Variants in TGM7 observed in about 807,000 individuals in gnomAD.
The protein encoded by TGM7 is transglutaminase 7.
TGM7 carries 74 observed loss-of-function variants against 79.5 expected under a neutral mutation model. That is an observed-to-expected ratio of 0.93 (90% CI 0.77 to 1.13). The LOEUF is 1.13. TGM7 is among the 50% of genes most tolerant of loss of function. TGM7 has a pLI of 0.00. For synonymous variants in TGM7, 354 were observed against 362.5 expected (o/e 0.98, Z 0.27); for missense variants, 912 against 905.9 (o/e 1.01, Z -0.09).
At position 43,282,061 on chromosome 15, in the gene TGM7, AGAGGC is replaced by A. The variant is rs767875545; in HGVS notation, c.1129_1133del (p.Ala377CysfsTer14). The A allele has an allele frequency of 1.9e-6, 3 of 1,614,032 alleles. No homozygotes were observed. The highest frequency in any genetic ancestry group is 2.5e-6 in the Non-Finnish European group (3 of 1,180,008). ...CATCCCCTTCCCTGATGGCCTTCACAGAGGCAGGGCCACAGCAGAACAGCCCTGTG... is the reference window on the plus strand; with the variant it reads ...CATCCCCTTCCCTGATGGCCTTCACAAGGGCCACAGCAGAACAGCCCTGTG... On this transcript the variant is annotated frameshift_variant, in exon 9 of 13. Transcript: ENST00000452443. LOFTEE classifies it high-confidence loss of function.
intron 1 of TGM7, among the ~76,000 whole-genome samples, chr15:43,297,014 G>A (rs770987601): frequency 3.3e-5 from 5 of 152,158 alleles, no homozygotes; most frequent in South Asian, 2.1e-4. Context: ...AGGCCTTCTT[G>A]TCTTGGCCAC....
chr15:43,282,530 C>A lies in TGM7; in HGVS notation c.1095G>T (p.Gln365His), dbSNP rs762056320. 2 of 1,591,204 alleles carry A rather than the reference C, an allele frequency of 1.3e-6. No homozygotes were observed. The highest frequency in any genetic ancestry group is 1.7e-6 in the Non-Finnish European group (2 of 1,167,876). ...NGWQVLDPTP[Q>H]QTSSGLFCCG... ...GTCCTCACTCACCACTGCTGGTCTG[C>A]TGGGGAGTGGGGTCCAGAACCTGCC... The change falls in exon 8 of 13, where the codon CAG becomes CAT. Residue 365 changes from glutamine to histidine, a missense_variant. By Grantham distance (24) the Gln-to-His change is conservative. Transcript: ENST00000452443.
intron 4 of TGM7, among the ~76,000 whole-genome samples, chr15:43,288,567 C>T (rs1401979615): frequency 6.6e-6 from 1 of 151,848 alleles, no homozygotes; most frequent in Non-Finnish European, 1.5e-5. Context: ...TTTTACATGA[C>T]TATATTCTGA....
chr15:43,284,706 T>C (rs896079509), intron 7 of TGM7, 108 bp downstream of exon 7: 207 of 1,351,626 alleles, frequency 1.5e-4, no homozygotes, highest in Non-Finnish European at 2.1e-4. Flanking sequence ...TTAGCAGCAA[T>C]GCTCAGGGCA....
intron 4 of TGM7, among the ~76,000 whole-genome samples, chr15:43,288,880 T>A (rs1225606786): frequency 2.6e-5 from 4 of 152,008 alleles, no homozygotes; most frequent in Admixed American, 2.6e-4. Context: ...GCCAAGATCA[T>A]GCCACTGCAC....
At chr15:43,302,119 A>G in intron 1 of TGM7, 122 bp downstream of exon 1, 1 of 1,170,926 alleles carries the variant, frequency 8.5e-7, no homozygotes, top group Non-Finnish European at 1.3e-6. Context: ...GTATTGCACA[A>G]TGAACTACCA....
chr15:43,279,070 G>T, intron 11 of TGM7, 47 bp downstream of exon 11: 1 of 1,576,332 alleles, frequency 6.3e-7, no homozygotes, highest in Non-Finnish European at 8.6e-7. Flanking sequence ...CCCCTGGATT[G>T]GGTGAGTCAG....
intron 6 of TGM7, among the ~76,000 whole-genome samples, chr15:43,286,221 G>A (rs2042935086): frequency 6.6e-6 from 1 of 152,168 alleles, no homozygotes; most frequent in South Asian, 2.1e-4. Flanking sequence ...AGTGGCCATA[G>A]GAAGCTTGGC....
intron 8 of TGM7, among the ~76,000 whole-genome samples, chr15:43,282,314 C>T (rs2142405015): frequency 6.6e-6 from 1 of 152,358 alleles, no homozygotes; most frequent in South Asian, 2.1e-4. Context: ...ACAACTGAGG[C>T]TCAGTGACCC....
rs539233935 is a variant in TGM7 at position 43,287,576 on chromosome 15, C to T, written c.652G>A (p.Asp218Asn). ...NPAKDCSQRN[D>N]VVYVCRVVSA... ...ACCACCCTGCACACATACACCACGT[C>T]GTTCCGCTGGGAACAGTCTTTGGCC... The change falls in exon 5 of 13, where the codon GAC becomes AAC. Residue 218 changes from aspartate to asparagine, a missense_variant. By Grantham distance (23) the Asp-to-Asn change is conservative (BLOSUM62 1). Transcript: ENST00000452443. The T allele has an allele frequency of 8.7e-6, 14 of 1,614,170 alleles. No individual in the cohort carries two copies. Among genetic ancestry groups the T allele is most frequent in the East Asian group, 6.7e-5 (3 of 44,886 alleles).
At chr15:43,276,810 G>T (rs2042879885) in intron 12 of TGM7, 52 bp downstream of exon 12, 2 of 1,598,174 alleles carry the variant, frequency 1.3e-6, no homozygotes, top group Admixed American at 3.4e-5. Context: ...ACGCCATGGG[G>T]CACCCCTTTC....
intron 9 of TGM7, 93 bp from the exon 10 acceptor site, chr15:43,280,044 C>T: frequency 8.0e-7 from 1 of 1,247,824 alleles, no homozygotes; most frequent in Non-Finnish European, 1.1e-6. Context: ...AATAGCAGCA[C>T]AGGGAGGCGG....
At chr15:43,281,302 G>A (rs991515109) in intron 9 of TGM7, among the ~76,000 whole-genome samples, 7 of 152,318 alleles carry the variant, frequency 4.6e-5, no homozygotes, top group Middle Eastern at 3.4e-3. Context: ...CCACACATGC[G>A]CCCTCCGTGG....
chr15:43,276,816 C>T (rs1461921974), intron 12 of TGM7, 46 bp downstream of exon 12: 3 of 1,603,072 alleles, frequency 1.9e-6, no homozygotes, highest in Non-Finnish European at 2.6e-6. Context: ...TGGGGCACCC[C>T]TTTCCTGAGA....
In TGM7 at chr15:43,279,124, G is replaced by A; in HGVS notation, c.1832C>T (p.Ser611Phe). 6.2e-7 allele frequency: 1 copy of A among 1,613,098 alleles called. No individual in the cohort carries two copies. The highest frequency in any genetic ancestry group is 1.1e-5 in the South Asian group (1 of 90,970). ...CCCATGTCCAGACACTACCTCAATA[G>A]ACAAGTGGGGAGGCTCCAGACAGAT... is the stretch of plus-strand genomic sequence containing the variant. ...KDICLEPPHL[S>F]IEVSERAEVG... Residue 611 changes from serine to phenylalanine, a missense_variant, in exon 11 of 13, where the codon TCT becomes TTT. Transcript: ENST00000452443.
intron 1 of TGM7, 63 bp from the exon 2 acceptor site, chr15:43,293,694 T>C (rs2042977194): frequency 1.6e-6 from 2 of 1,281,730 alleles, no homozygotes; most frequent in Non-Finnish European, 2.0e-6. Flanking sequence ...GCATCCCTTG[T>C]GGCTTCTCAG....
intron 6 of TGM7, among the ~76,000 whole-genome samples, chr15:43,286,372 G>T (rs557397800): frequency 1.2e-3 from 183 of 152,294 alleles, no homozygotes; most frequent in Non-Finnish European, 2.0e-3. Context: ...ACCTAGCACG[G>T]CCTGGGGACT....
At chr15:43,287,149 AG>A in intron 6 of TGM7, 130 bp downstream of exon 6, 1 of 1,006,978 alleles carries the variant, frequency 9.9e-7, no homozygotes, top group Non-Finnish European at 1.5e-6. Context: ...ATGGTGTGCT[AG>A]CTCAGGGCCT....
chr15:43,295,989 G>C (rs567451910), intron 1 of TGM7, among the ~76,000 whole-genome samples: 2 of 152,156 alleles, frequency 1.3e-5, no homozygotes, highest in Non-Finnish European at 2.9e-5. Flanking sequence ...TCATTTAGTA[G>C]TTTGTGAAAT....
Sources: gnomAD v4.1 joint callset for allele counts (sites outside exome capture counted in the v4.1 genomes callset) on GRCh38, gnomAD v4.1.1 for gene constraint, MANE v1.5 for transcripts, NCBI Gene and HGNC (gene_info 2026-07-23, HGNC 2026-07-21) for gene names.